Variants in GRID2 observed in about 807,000 individuals in gnomAD.
GRID2 encodes the protein glutamate receptor ionotropic, delta-2.
Under a neutral mutation model 114.8 loss-of-function variants are expected in GRID2, and 33 were observed. That is an observed-to-expected ratio of 0.29 (90% CI 0.22 to 0.38). The LOEUF is 0.38. Ranked by LOEUF, GRID2 falls within the 10% of genes least tolerant of loss-of-function variation. The pLI, the probability that GRID2 is intolerant of heterozygous loss-of-function variation, is 1.00. For missense variants in GRID2, 1,184 were observed against 1,257.7 expected (o/e 0.94, Z 0.89); for synonymous variants, 505 against 449.9 (o/e 1.12, Z -1.55).
At chr4:93,669,065 G>A (rs748281962) in intron 14 of GRID2, among the ~76,000 whole-genome samples, 6 of 152,050 alleles carry the variant, frequency 3.9e-5, no homozygotes, top group Non-Finnish European at 5.9e-5. Context: ...CATTTACTAT[G>A]AGAATTTGTA....
At chr4:93,740,548 T>C (rs1298637657) in intron 14 of GRID2, among the ~76,000 whole-genome samples, 1 of 152,212 alleles carries the variant, frequency 6.6e-6, no homozygotes, top group East Asian at 1.9e-4. Flanking sequence ...AATCAGGAAG[T>C]GCTAACCAGG....
intron 1 of GRID2, among the ~76,000 whole-genome samples, chr4:92,409,689 C>T (rs1579313394): frequency 6.6e-6 from 1 of 152,084 alleles, no homozygotes; most frequent in African/African-American, 2.4e-5. Context: ...ATATTCTATA[C>T]CTTCCTGGGT....
chr4:92,458,844 C>T (rs1165163620), intron 1 of GRID2, among the ~76,000 whole-genome samples: 1 of 152,014 alleles, frequency 6.6e-6, no homozygotes, highest in Non-Finnish European at 1.5e-5. Context: ...GAAAAAAAGT[C>T]CATGTGATAA....
At chr4:92,305,344 C>T (rs1362756605) in intron 1 of GRID2, among the ~76,000 whole-genome samples, 1 of 152,126 alleles carries the variant, frequency 6.6e-6, no homozygotes, top group South Asian at 2.1e-4. Flanking sequence ...GTCTTTGAGA[C>T]GGTGGCAGGA....
At chr4:93,109,675 G>T (rs1456185055) in intron 3 of GRID2, among the ~76,000 whole-genome samples, 1 of 151,824 alleles carries the variant, frequency 6.6e-6, no homozygotes, top group Non-Finnish European at 1.5e-5. Context: ...TCTAGTATTT[G>T]CCCTTTAAAT....
chr4:93,571,497 G>T (rs17020777), intron 13 of GRID2, among the ~76,000 whole-genome samples: 2,134 of 152,142 alleles, frequency 0.014, 44 homozygotes, highest in African/African-American at 0.048. Context: ...CTGAACTTGG[G>T]CATGAATTTC....
At position 93,312,316 on chromosome 4, in the gene GRID2, C is replaced by G. The variant is rs77206980; in HGVS notation, c.1245+73826C>G. On this transcript the variant is annotated intron_variant, in intron 8 of 15. Coordinates refer to ENST00000282020, the MANE Select transcript of GRID2 (RefSeq NM_001510.4). The stretch of plus-strand genomic sequence containing the variant: ...TGAGTTTTTCTGTAATACTCCAAGG[C>G]GAAGAGTTACGCTGCCTTCTAATGC... 9.3e-3 allele frequency among the ~76,000 whole-genome samples: 1,414 copies of G among 152,114 alleles called. 16 individuals carry two copies. The highest frequency in any genetic ancestry group is 0.033 in the African/African-American group (1,352 of 41,482).
At chr4:93,702,208 G>A (rs1044189311) in intron 14 of GRID2, among the ~76,000 whole-genome samples, 3 of 152,024 alleles carry the variant, frequency 2.0e-5, no homozygotes, top group Non-Finnish European at 4.4e-5. Context: ...TTGGCTTTTT[G>A]TAAATAGATT....
intron 14 of GRID2, among the ~76,000 whole-genome samples, chr4:93,765,448 G>A (rs1733570349): frequency 1.3e-5 from 2 of 151,944 alleles, no homozygotes; most frequent in Admixed American, 1.3e-4. Flanking sequence ...AGAGATTTTT[G>A]TGGCATATTC....
chr4:93,552,507 G>C (rs1733863109), intron 13 of GRID2, among the ~76,000 whole-genome samples: 1 of 152,136 alleles, frequency 6.6e-6, no homozygotes, highest in African/African-American at 2.4e-5. Context: ...CAGTGTAAAA[G>C]TGTTCCTATT....
chr4:93,510,283 A>G (rs1481796879), intron 12 of GRID2, among the ~76,000 whole-genome samples: 1 of 152,188 alleles, frequency 6.6e-6, no homozygotes, highest in Non-Finnish European at 1.5e-5. Context: ...TGAGCGTTCT[A>G]CACAACCAGG....
At chr4:93,519,100 A>C (rs1268564784) in intron 13 of GRID2, among the ~76,000 whole-genome samples, 1 of 152,078 alleles carries the variant, frequency 6.6e-6, no homozygotes, top group Non-Finnish European at 1.5e-5. Flanking sequence ...AACAATATCC[A>C]TAGGTGGTTC....
intron 1 of GRID2, among the ~76,000 whole-genome samples, chr4:92,408,998 A>G (rs944000931): frequency 5.3e-5 from 8 of 152,100 alleles, no homozygotes; most frequent in African/African-American, 1.9e-4. Flanking sequence ...TAGGACTTCC[A>G]GTGCTATGTT....
At chr4:93,272,429 G>C (rs1404634969) in intron 8 of GRID2, among the ~76,000 whole-genome samples, 1 of 152,174 alleles carries the variant, frequency 6.6e-6, no homozygotes, top group Non-Finnish European at 1.5e-5. Flanking sequence ...CCAGAGGTGG[G>C]TGCACTTTCA....
intron 2 of GRID2, among the ~76,000 whole-genome samples, chr4:92,920,457 A>G: frequency 6.6e-6 from 1 of 152,108 alleles, no homozygotes; most frequent in Admixed American, 6.5e-5. Flanking sequence ...GGTCTTTACA[A>G]TTTGGCATGT....
rs1431025731 is a variant in GRID2 at position 92,590,155 on chromosome 4, A to G, written c.113A>G (p.Lys38Arg). The G allele has an allele frequency of 1.2e-6, 2 of 1,612,330 alleles. No homozygotes were observed. The highest frequency in any genetic ancestry group is 3.3e-5 in the Admixed American group (2 of 59,942). Residue 38 changes from lysine to arginine, a missense_variant, in exon 2 of 16, where the codon AAA (lysine) becomes AGA (arginine). By Grantham distance (26) the Lys-to-Arg change is conservative (BLOSUM62 2). Around this residue, in one of 3 missense-constraint regions of GRID2, gnomAD observed 455 missense variants for 429.5 expected, o/e 1.06. Coordinates refer to ENST00000282020, the MANE Select transcript of GRID2 (RefSeq NM_001510.4). Reference sequence around the variant, plus strand: ...GGAGCAATTTTTGATGAATCTGCCAAAAAGGATGATGAGGTATTTCGCACT... The same window carrying G: ...GGAGCAATTTTTGATGAATCTGCCAGAAAGGATGATGAGGTATTTCGCACT... ...HIGAIFDESA[K>R]KDDEVFRTAV... is the part of the protein sequence containing the mutation.
intron 9 of GRID2, among the ~76,000 whole-genome samples, chr4:93,420,818 A>T (rs570086057): frequency 6.6e-6 from 1 of 151,592 alleles, no homozygotes; most frequent in African/African-American, 2.4e-5. Flanking sequence ...CAATGGTGTG[A>T]TCTTGGCTCA....
chr4:93,163,425 A>G (rs946011434), intron 4 of GRID2, among the ~76,000 whole-genome samples: 1 of 132,312 alleles, frequency 7.6e-6, no homozygotes, highest in African/African-American at 3.0e-5. Context: ...ATACATGTAT[A>G]TTTTCTCTCT....
intron 7 of GRID2, among the ~76,000 whole-genome samples, chr4:93,231,153 A>C (rs2149500760): frequency 6.6e-6 from 1 of 152,176 alleles, no homozygotes; most frequent in South Asian, 2.1e-4. Flanking sequence ...ACCTTCTTGG[A>C]ATAGTGCCAT....
Sources: gnomAD v4.1 joint callset for allele counts (sites outside exome capture counted in the v4.1 genomes callset) on GRCh38, gnomAD v4.1.1 for gene constraint, gnomAD v4.1.1 regional missense constraint, MANE v1.5 for transcripts, NCBI Gene and HGNC (gene_info 2026-07-23, HGNC 2026-07-21) for gene names.